KIAA1328: variants seen among roughly 807,000 people sequenced by gnomAD.
The protein encoded by KIAA1328 is protein hinderin.
KIAA1328 carries 52 observed loss-of-function variants against 68.1 expected under a neutral mutation model. The ratio of observed to expected loss-of-function variants is 0.76; its 90% CI spans 0.61 to 0.96. The LOEUF is 0.96. KIAA1328 is among the 40% of genes least tolerant of loss of function. KIAA1328 has a pLI of 0.00. For missense variants in KIAA1328, 641 were observed against 677.6 expected, an observed-to-expected ratio of 0.95 and a Z score of 0.60; for synonymous variants, 232 against 239.4, an observed-to-expected ratio of 0.97 and a Z score of 0.28.
intron 7 of KIAA1328, among the ~76,000 whole-genome samples, chr18:37,070,924 C>A (rs1030459129): frequency 6.6e-6 from 1 of 151,946 alleles, no homozygotes; most frequent in African/African-American, 2.4e-5. Flanking sequence ...GTTCTTCCAT[C>A]CTTTTACTTT....
intron 6 of KIAA1328, among the ~76,000 whole-genome samples, chr18:37,062,432 T>G (rs957299393): frequency 4.0e-5 from 6 of 149,860 alleles, no homozygotes; most frequent in South Asian, 2.1e-4. Flanking sequence ...ATAGATGTGG[T>G]TTTTTTTGTT....
At chr18:37,164,115 A>G (rs1021619995) in intron 8 of KIAA1328, among the ~76,000 whole-genome samples, 1 of 152,202 alleles carries the variant, frequency 6.6e-6, no homozygotes, top group Non-Finnish European at 1.5e-5. Context: ...TATATAGTTT[A>G]CTTTTTTATT....
chr18:37,189,653 T>C (rs1403920908), intron 9 of KIAA1328, among the ~76,000 whole-genome samples: 2 of 152,158 alleles, frequency 1.3e-5, no homozygotes, highest in Non-Finnish European at 2.9e-5. Context: ...TAAGATTAAT[T>C]AGCTAAGGCA....
intron 7 of KIAA1328, chr18:37,075,065 T>G (rs1173452040): frequency 6.6e-6 from 1 of 151,776 alleles, no homozygotes; most frequent in East Asian, 1.9e-4. Flanking sequence ...GGAAAAAATG[T>G]TAAGGGCAGC....
At chr18:36,892,746 C>G (rs1384641537) in intron 5 of KIAA1328, among the ~76,000 whole-genome samples, 2 of 152,112 alleles carry the variant, frequency 1.3e-5, no homozygotes, top group Non-Finnish European at 2.9e-5. Flanking sequence ...ATCAGACTAA[C>G]AGTTTGAATG....
intron 6 of KIAA1328, among the ~76,000 whole-genome samples, chr18:37,026,888 G>T (rs1223183397): frequency 1.3e-5 from 2 of 152,146 alleles, no homozygotes; most frequent in African/African-American, 4.8e-5. Context: ...ATCAGGTAGA[G>T]AAAGAAATAA....
chr18:37,019,550 C>T (rs2054268933), intron 6 of KIAA1328, among the ~76,000 whole-genome samples: 1 of 152,232 alleles, frequency 6.6e-6, no homozygotes, highest in South Asian at 2.1e-4. Context: ...GGATGGCCAC[C>T]ATGTGCTCAG....
chr18:37,196,875 G>A (rs2060013107), intron 9 of KIAA1328, among the ~76,000 whole-genome samples: 1 of 151,978 alleles, frequency 6.6e-6, no homozygotes, highest in Admixed American at 6.6e-5. Context: ...TAAATGTTTG[G>A]TAGAATTCAG....
chr18:37,124,994 T>A (rs1311257028), intron 7 of KIAA1328, among the ~76,000 whole-genome samples: 1 of 152,142 alleles, frequency 6.6e-6, no homozygotes, highest in Admixed American at 6.6e-5. Context: ...ACAGTTAAAA[T>A]GGAAAACATA....
chr18:36,895,817 G>A (rs1385104629), intron 5 of KIAA1328: 2 of 455,496 alleles, frequency 4.4e-6, no homozygotes, highest in South Asian at 3.1e-5. Context: ...CTAATCCAAT[G>A]ACTGTTGTCC....
intron 3 of KIAA1328, 118 bp downstream of exon 3, chr18:36,835,494 T>C: frequency 1.0e-6 from 1 of 988,370 alleles, no homozygotes; most frequent in Non-Finnish European, 1.5e-6. Flanking sequence ...TCTTAAAAGA[T>C]ACAGAGGATT....
intron 9 of KIAA1328, among the ~76,000 whole-genome samples, chr18:37,194,689 A>G (rs1007496122): frequency 6.6e-6 from 1 of 151,998 alleles, no homozygotes; most frequent in African/African-American, 2.4e-5. Flanking sequence ...TTTTGAGACA[A>G]AGTCTCTGTC....
chr18:36,847,157 T>C (rs972900395), intron 4 of KIAA1328, among the ~76,000 whole-genome samples: 13 of 151,606 alleles, frequency 8.6e-5, no homozygotes, highest in African/African-American at 3.1e-4. Flanking sequence ...TCAATTTGTT[T>C]ATCTCTTCTT....
intron 7 of KIAA1328, among the ~76,000 whole-genome samples, chr18:37,108,542 C>T (rs2057837881): frequency 6.6e-6 from 1 of 152,112 alleles, no homozygotes; most frequent in South Asian, 2.1e-4. Context: ...TTGTAATGAA[C>T]AGTTTAAAAT....
intron 9 of KIAA1328, among the ~76,000 whole-genome samples, chr18:37,179,933 G>T (rs2059666851): frequency 6.6e-6 from 1 of 151,842 alleles, no homozygotes; most frequent in African/African-American, 2.4e-5. Flanking sequence ...ATATCACACT[G>T]CCAGTAACCA....
At chr18:36,938,642 A>G (rs1251938186) in intron 5 of KIAA1328, among the ~76,000 whole-genome samples, 1 of 152,090 alleles carries the variant, frequency 6.6e-6, no homozygotes, top group African/African-American at 2.4e-5. Context: ...TTTTGATGTC[A>G]AATCCAGGAA....
intron 4 of KIAA1328, among the ~76,000 whole-genome samples, chr18:36,879,571 G>A (rs1172947781): frequency 5.9e-5 from 9 of 152,202 alleles, no homozygotes; most frequent in African/African-American, 2.2e-4. Context: ...TGGGAGATCT[G>A]CTCCTCTCTT....
intron 6 of KIAA1328, among the ~76,000 whole-genome samples, chr18:37,049,570 A>G (rs1366355275): frequency 2.0e-5 from 3 of 152,210 alleles, no homozygotes; most frequent in Non-Finnish European, 4.4e-5. Flanking sequence ...AGGAAAGGCT[A>G]ACCCTCCAAG....
intron 6 of KIAA1328, among the ~76,000 whole-genome samples, chr18:36,992,546 T>A (rs1455349765): frequency 6.6e-6 from 1 of 151,556 alleles, no homozygotes; most frequent in Non-Finnish European, 1.5e-5. Flanking sequence ...TGCATGTTCC[T>A]CTTTCCTGGG....
Sources: allele counts gnomAD v4.1 joint callset (sites outside exome capture counted in the v4.1 genomes callset), GRCh38; gene constraint gnomAD v4.1.1; transcripts MANE v1.5; gene names NCBI Gene and HGNC (gene_info 2026-07-23, HGNC 2026-07-21).